The following AKR1C4 variants were observed in gnomAD, a reference collection of about 807,000 sequenced individuals.
AKR1C4 encodes the protein 3-alpha-HSD1.
AKR1C4 carries 44 observed loss-of-function variants against 41.0 expected under a neutral mutation model. The ratio of observed to expected loss-of-function variants is 1.07; its 90% CI spans 0.84 to 1.38. The LOEUF is 1.38. AKR1C4 is among the 40% of genes most tolerant of loss of function. The pLI, the probability that AKR1C4 is intolerant of heterozygous loss-of-function variation, is 0.00. For synonymous variants in AKR1C4, 165 were observed against 137.7 expected (o/e 1.20, Z -1.39); for missense variants, 438 against 387.9 (o/e 1.13, Z -1.09).
In AKR1C4 at chr10:5,205,775, C is replaced by A. The variant is rs373084142; in HGVS notation, c.388C>A (p.Pro130Thr). The change falls in exon 4 of 9, where the codon CCA (proline) becomes ACA (threonine). Residue 130 changes from proline (P) to threonine (T), a missense_variant. Coordinates refer to ENST00000263126, the MANE Select transcript of AKR1C4 (RefSeq NM_001818.5). Reference protein sequence around the residue: ...MALKPGETPLPKDENGKVIFD... With the variant: ...MALKPGETPLTKDENGKVIFD... ...ACTTCAGCCAGGTGAGACGCCACTA[C>A]CAAAAGATGAAAATGGAAAAGTAAT... 1.1e-5 allele frequency: 18 copies of A among 1,613,052 alleles called. No individual in the cohort carries two copies. The highest frequency in any genetic ancestry group is 1.3e-5 in the African/African-American group (1 of 74,792).
chr10:5,204,746 G>T, intron 3 of AKR1C4: 1 of 571,832 alleles, frequency 1.7e-6, no homozygotes, highest in South Asian at 1.6e-5. Context: ...CACCTTCAAG[G>T]CTCTGTCTTA....
intron 1 of AKR1C4, 47 bp downstream of exon 1, chr10:5,196,998 G>C: frequency 6.3e-7 from 1 of 1,580,188 alleles, no homozygotes; most frequent in Non-Finnish European, 8.7e-7. Flanking sequence ...AGCAAAGCTA[G>C]AATAAGTGAA....
intron 5 of AKR1C4, chr10:5,207,784 T>C (rs1486401261): frequency 2.8e-6 from 1 of 357,896 alleles, no homozygotes; most frequent in East Asian, 8.6e-5. Context: ...GAATAGATTT[T>C]CTCTGGTCTG....
At chr10:5,217,836 CT>C (rs1695594349) in intron 8 of AKR1C4, among the ~76,000 whole-genome samples, 1 of 152,212 alleles carries the variant, frequency 6.6e-6, no homozygotes, top group South Asian at 2.1e-4. Flanking sequence ...AAAGATCTTA[CT>C]CTTTTCTATA....
In AKR1C4 at chr10:5,200,304, G is replaced by A. The variant is rs1227333136; in HGVS notation, c.208G>A (p.Ala70Thr). 1 of 1,614,160 alleles carries A rather than the reference G, an allele frequency of 6.2e-7. No homozygotes were observed. Among genetic ancestry groups the A allele is most frequent in the South Asian group, 1.1e-5 (1 of 91,086 alleles). ...TGGACTGGCCATCCGAAGCAAGATT[G>A]CAGATGGCAGTGTGAAGAGAGAAGA... ...QVGLAIRSKIADGSVKREDIF... is the reference protein window; with the variant it reads ...QVGLAIRSKITDGSVKREDIF... Residue 70 changes from alanine (A) to threonine (T), a missense_variant, in exon 2 of 9, where the codon GCA (alanine) becomes ACA (threonine). Coordinates refer to ENST00000263126, the MANE Select transcript of AKR1C4 (RefSeq NM_001818.5).
intron 2 of AKR1C4, among the ~76,000 whole-genome samples, 163 bp from the exon 3 acceptor site, chr10:5,204,214 T>C (rs1564401311): frequency 6.6e-6 from 1 of 152,156 alleles, no homozygotes. Context: ...ATATGCAATA[T>C]GTAGCTTTCA....
In AKR1C4 at chr10:5,203,648, T is replaced by G. The variant is rs1832436865; in HGVS notation, c.253-729T>G. ...TTTCAAAGGGTCTGTGAATTTTCAC[T>G]TTTCCTATTAAGTTCCTGCATTGCT... On this transcript the variant is annotated intron_variant, in intron 2 of 8. Transcript: ENST00000263126. Among the ~76,000 whole-genome samples the G allele has an allele frequency of 1.3e-5, 2 of 152,196 alleles. 1 individual carries two copies. Among genetic ancestry groups the G allele is most frequent in the African/African-American group, 4.8e-5 (2 of 41,460 alleles).
At chr10:5,213,239 T>C in intron 7 of AKR1C4, 80 bp downstream of exon 7, 1 of 1,565,632 alleles carries the variant, frequency 6.4e-7, no homozygotes, top group South Asian at 1.2e-5. Context: ...CAGGACACCC[T>C]TGGACTAAGT....
rs782392099 is a variant in AKR1C4 at position 5,218,752 on chromosome 10, G to T, written c.964G>T (p.Glu322Ter). 1 of 1,604,792 alleles carries T rather than the reference G, an allele frequency of 6.2e-7. No individual in the cohort carries two copies. Among genetic ancestry groups the T allele is most frequent in the East Asian group, 2.2e-5 (1 of 44,796 alleles). ...MDHPDYPFSD[E>*]Y Reference sequence around the variant, plus strand: ...CCATCCTGATTATCCATTTTCAGATGAATATTAGCATAGAGGGTGTTGCAC... The same window carrying T: ...CCATCCTGATTATCCATTTTCAGATTAATATTAGCATAGAGGGTGTTGCAC... The change falls in exon 9 of 9, where the codon GAA becomes TAA. Residue 322 changes from glutamate (E) to a stop codon, truncating the protein, a stop_gained. Transcript: ENST00000263126. LOFTEE classifies it high-confidence loss of function.
intron 3 of AKR1C4, among the ~76,000 whole-genome samples, chr10:5,205,324 T>C (rs1170259304): frequency 2.0e-5 from 3 of 152,162 alleles, no homozygotes; most frequent in African/African-American, 7.2e-5. Context: ...AGAACTTCCA[T>C]TTGAACATGT....
intron 4 of AKR1C4, 117 bp from the exon 5 acceptor site, chr10:5,206,158 T>G (rs1269078887): frequency 6.6e-7 from 1 of 1,519,130 alleles, no homozygotes; most frequent in Non-Finnish European, 8.9e-7. Context: ...CTCTTGAGAA[T>G]CACTGCTATT....
chr10:5,209,871 C>G (rs1309558529), intron 5 of AKR1C4, among the ~76,000 whole-genome samples: 7 of 152,122 alleles, frequency 4.6e-5, no homozygotes, highest in African/African-American at 1.7e-4. Flanking sequence ...TCATGCCACC[C>G]CTGGCCCCTC....
rs4098025 is a variant in AKR1C4, at chr10:5,212,857, A to T, written c.680+132A>T. ...GGATAATTTGCATTTCTTATGAGAT[A>T]CCAGGTGATGCTGCTGCTGTTCAGG... On this transcript the variant is annotated intron_variant, in intron 6 of 8. Coordinates refer to ENST00000263126, the MANE Select transcript of AKR1C4 (RefSeq NM_001818.5). 46 of 1,383,440 alleles carry T rather than the reference A, an allele frequency of 3.3e-5. No homozygotes were observed. Among genetic ancestry groups the T allele is most frequent in the Non-Finnish European group, 4.2e-5 (43 of 1,012,832 alleles). 85.7% of individuals were successfully genotyped at this position (1,383,440 alleles called of 1,614,324 possible). A position where few individuals can be genotyped will look rare whatever the true frequency, so the allele number is the denominator to read the frequency against.
intron 5 of AKR1C4, among the ~76,000 whole-genome samples, chr10:5,208,965 G>A (rs1407408948): frequency 1.4e-5 from 2 of 146,206 alleles, no homozygotes; most frequent in Admixed American, 1.3e-4. Context: ...CCGTTAACTT[G>A]TTGTTCCAAG....
chr10:5,198,313 AC>A (rs1302173166), intron 1 of AKR1C4, among the ~76,000 whole-genome samples: 1 of 152,312 alleles, frequency 6.6e-6, no homozygotes, highest in East Asian at 1.9e-4. Flanking sequence ...ATAGACTGCC[AC>A]CCGTAGATGC....
intron 2 of AKR1C4, among the ~76,000 whole-genome samples, chr10:5,202,817 T>A (rs1157239334): frequency 6.6e-6 from 1 of 152,188 alleles, no homozygotes; most frequent in Non-Finnish European, 1.5e-5. Flanking sequence ...TCCCTGCACC[T>A]ATGGGATGAA....
At chr10:5,217,243 T>G (rs1264561039) in intron 8 of AKR1C4, among the ~76,000 whole-genome samples, 1 of 152,252 alleles carries the variant, frequency 6.6e-6, no homozygotes, top group Non-Finnish European at 1.5e-5. Context: ...GAAATTCTCT[T>G]CTCTTCCATA....
chr10:5,211,392 G>A (rs1480001847), intron 5 of AKR1C4, among the ~76,000 whole-genome samples: 4 of 152,160 alleles, frequency 2.6e-5, no homozygotes, highest in Non-Finnish European at 4.4e-5. Flanking sequence ...CTGCTTGAAT[G>A]CTTTGCTTAG....
chr10:5,216,487 T>G (rs4881413), intron 7 of AKR1C4, among the ~76,000 whole-genome samples: 131,648 of 149,650 alleles, frequency 0.88, 56,962 homozygotes, highest in Middle Eastern at 0.92. Flanking sequence ...TTGAGATCTT[T>G]TCTTCAGTTT....
Sources: gnomAD v4.1 joint callset for allele counts (sites outside exome capture counted in the v4.1 genomes callset) on GRCh38, gnomAD v4.1.1 for gene constraint, MANE v1.5 for transcripts, NCBI Gene and HGNC (gene_info 2026-07-23, HGNC 2026-07-21) for gene names.